Variants in HERC5 observed in about 807,000 individuals in gnomAD.
HERC5 encodes HECT and RLD domain containing E3 ubiquitin protein ligase 5.
Under a neutral mutation model 119.6 loss-of-function variants are expected in HERC5, and 99 were observed. The ratio of observed to expected loss-of-function variants is 0.83; its 90% CI spans 0.70 to 0.98. The LOEUF (loss-of-function observed/expected upper bound fraction) is 0.98, where lower values mean the gene tolerates loss of function less well. Among genes scored for constraint, HERC5 ranks in the 50% least tolerant of loss-of-function variants. HERC5 has a pLI of 0.00. For missense variants in HERC5, 1,267 were observed against 1,241.3 expected, an observed-to-expected ratio of 1.02 and a Z score of -0.31; for synonymous variants, 478 against 445.9, an observed-to-expected ratio of 1.07 and a Z score of -0.91.
At chr4:88,496,226 G>C (rs1486487832) in intron 18 of HERC5, among the ~76,000 whole-genome samples, 5 of 152,162 alleles carry the variant, frequency 3.3e-5, no homozygotes, top group Non-Finnish European at 5.9e-5. Flanking sequence ...CTCACATTTT[G>C]AGAACCAGTG....
At chr4:88,460,813 A>G (rs1740407800) in intron 3 of HERC5, among the ~76,000 whole-genome samples, 1 of 152,066 alleles carries the variant, frequency 6.6e-6, no homozygotes, top group African/African-American at 2.4e-5. Flanking sequence ...ACATGGGGAG[A>G]CTTCATCTTT....
intron 3 of HERC5, among the ~76,000 whole-genome samples, chr4:88,460,848 G>A (rs1740410597): frequency 6.6e-6 from 1 of 152,032 alleles, no homozygotes; most frequent in African/African-American, 2.4e-5. Flanking sequence ...AAATTAGCTG[G>A]GCATGGTGGC....
chr4:88,496,887 G>A (rs898582685), intron 18 of HERC5, among the ~76,000 whole-genome samples: 2 of 152,168 alleles, frequency 1.3e-5, no homozygotes, highest in South Asian at 2.1e-4. Flanking sequence ...ATATTTTGAA[G>A]CCTCATCCCC....
chr4:88,464,325 GATT>G (rs1418586872), intron 6 of HERC5, among the ~76,000 whole-genome samples: 2 of 151,734 alleles, frequency 1.3e-5, no homozygotes, highest in Admixed American at 6.6e-5. Flanking sequence ...AATCACAAAG[GATT>G]ATTCATTAAA....
At chr4:88,477,065 T>C (rs1168034892) in intron 12 of HERC5, among the ~76,000 whole-genome samples, 3 of 67,648 alleles carry the variant, frequency 4.4e-5, no homozygotes, top group East Asian at 8.2e-4. Flanking sequence ...TATTTATAGC[T>C]TTTTTTTTTT....
intron 14 of HERC5, among the ~76,000 whole-genome samples, chr4:88,486,757 C>T (rs1741478384): frequency 6.6e-6 from 1 of 152,184 alleles, no homozygotes; most frequent in Non-Finnish European, 1.5e-5. Flanking sequence ...ATATCATTCT[C>T]CGTTTATCAA....
chr4:88,468,237 A>T lies in HERC5; in HGVS notation c.1058-109A>T, dbSNP rs891311641. ...AAAATGTACTAAGTTTTGTCTATTA[A>T]GAAGAAAAGATGACTACGTTTAAGA... On this transcript the variant is annotated intron_variant, in intron 7 of 22. Transcript: ENST00000264350. 6.5e-6 allele frequency: 5 copies of T among 768,246 alleles called. No homozygotes were observed. The African/African-American group carries it at 8.8e-5, about 14-fold the overall frequency. 47.6% of individuals were successfully genotyped at this position (768,246 alleles called of 1,614,324 possible).
intron 2 of HERC5, 66 bp from the exon 3 acceptor site, chr4:88,460,029 A>C: frequency 1.2e-6 from 1 of 846,340 alleles, no homozygotes; most frequent in Non-Finnish European, 1.9e-6. Flanking sequence ...TACTATTAAT[A>C]GTTCTAAAAT....
At chr4:88,473,039 CAG>C (rs1740932380) in intron 11 of HERC5, 1 of 151,060 alleles carries the variant, frequency 6.6e-6, no homozygotes, top group African/African-American at 2.4e-5. Context: ...TTTCTTTTTG[CAG>C]GTGCTCCAAA....
Position 88,469,265 on chromosome 4 carries a change from A to T in HERC5, c.1238+5A>T, listed in dbSNP as rs778546106. The T allele has an allele frequency of 3.2e-6, 5 of 1,584,822 alleles. No homozygotes were observed. In the African/African-American group the frequency reaches 6.7e-5, roughly 21 times the overall value. On this transcript the variant is annotated splice_donor_5th_base_variant and intron_variant, in intron 9 of 22. Transcript: ENST00000264350. ...ACGGTGGCAGAGCACAAAAAGGTAC[A>T]CCCCACAGTCTGACTCTCTGCTTAT...
chr4:88,491,901 G>T (rs538905372), intron 16 of HERC5, among the ~76,000 whole-genome samples: 1 of 152,156 alleles, frequency 6.6e-6, no homozygotes, highest in African/African-American at 2.4e-5. Flanking sequence ...TCTTGGGAGG[G>T]ATTGGTGTCA....
In HERC5 at chr4:88,469,293, A is replaced by G. The variant is rs768940314; in HGVS notation, c.1238+33A>G. 2.4e-5 allele frequency: 33 copies of G among 1,389,010 alleles called. No individual in the cohort carries two copies. The Middle Eastern group carries it at 7.1e-4, about 30-fold the overall frequency. 86.0% of individuals were successfully genotyped at this position (1,389,010 alleles called of 1,614,324 possible). A position where few individuals can be genotyped will look rare whatever the true frequency, so the allele number is the denominator to read the frequency against. ...CCACAGTCTGACTCTCTGCTTATAT[A>G]TCACTCTCAAGTATCATTTCCCAAA... On this transcript the variant is annotated intron_variant, in intron 9 of 22. Transcript: ENST00000264350.
In HERC5 at chr4:88,472,453, C is replaced by A. The variant is rs770914155; in HGVS notation, c.1343C>A (p.Ala448Glu). 3.7e-6 allele frequency: 6 copies of A among 1,602,040 alleles called. No homozygotes were observed. Among genetic ancestry groups the A allele is most frequent in the South Asian group, 1.1e-5 (1 of 89,670 alleles). Residue 448 changes from alanine to glutamate, a missense_variant, in exon 11 of 23, where the codon GCA becomes GAA. Physicochemically the swap from Ala to Glu is moderately radical, Grantham distance 107. Coordinates refer to ENST00000264350, the MANE Select transcript of HERC5 (RefSeq NM_016323.4). ...MMPVYLDLNK[A>E]RNIFKELTQK... Reference sequence around the variant, plus strand: ...CCTGTTTATTTGGACTTAAATAAAGCAAGAAACATCTTCAAGGAGTTAACC... The same window carrying A: ...CCTGTTTATTTGGACTTAAATAAAGAAAGAAACATCTTCAAGGAGTTAACC...
intron 11 of HERC5, among the ~76,000 whole-genome samples, chr4:88,474,090 G>A (rs1013421830): frequency 6.6e-6 from 1 of 152,180 alleles, no homozygotes; most frequent in African/African-American, 2.4e-5. Flanking sequence ...ACTCGATGAA[G>A]AATAAAAGAG....
In HERC5 at chr4:88,500,972, A is replaced by G. The variant is rs1560615689; in HGVS notation, c.2569A>G (p.Asn857Asp). 1.2e-6 allele frequency: 2 copies of G among 1,609,990 alleles called. No individual in the cohort carries two copies. The highest frequency in any genetic ancestry group is 1.7e-5 in the Admixed American group (1 of 59,210). The part of the protein sequence containing the change: ...LIPNGSSITV[N>D]QTNKRDYVSK... The stretch of plus-strand genomic sequence containing the variant: ...TCCTAATGGAAGTAGCATAACTGTC[A>G]ACCAGACTAACAAGTAGGTACAAAA... Residue 857 changes from asparagine to aspartate, a missense_variant, in exon 20 of 23, where the codon AAC becomes GAC. Physicochemically the swap from Asn to Asp is conservative, Grantham distance 23. Around this residue, in one of 3 missense-constraint regions of HERC5, gnomAD observed 473 missense variants for 445.7 expected, o/e 1.06. Coordinates refer to ENST00000264350, the MANE Select transcript of HERC5 (RefSeq NM_016323.4).
chr4:88,503,760 G>A (rs148399592), intron 20 of HERC5, among the ~76,000 whole-genome samples: 2 of 152,162 alleles, frequency 1.3e-5, no homozygotes, highest in East Asian at 1.9e-4. Flanking sequence ...AGCATATGAT[G>A]GAGTTGTTAT....
chr4:88,457,617 C>A (rs1393152438), intron 1 of HERC5, 83 bp downstream of exon 1: 10 of 1,208,582 alleles, frequency 8.3e-6, no homozygotes, highest in Non-Finnish European at 1.0e-5. Flanking sequence ...GCCGGGGGTC[C>A]GCGCCTGAGG....
At chr4:88,479,093 C>T (rs900712046) in intron 12 of HERC5, among the ~76,000 whole-genome samples, 3 of 151,926 alleles carry the variant, frequency 2.0e-5, no homozygotes, top group African/African-American at 7.3e-5. Flanking sequence ...CAAGACCAGC[C>T]TGGCCAACAT....
chr4:88,495,828 A>G (rs1459074217), intron 18 of HERC5, among the ~76,000 whole-genome samples: 1 of 152,212 alleles, frequency 6.6e-6, no homozygotes, highest in East Asian at 1.9e-4. Flanking sequence ...GAAACATCGA[A>G]GATAACCTAA....
Sources: allele counts gnomAD v4.1 joint callset (sites outside exome capture counted in the v4.1 genomes callset), GRCh38; gene constraint gnomAD v4.1.1; regional missense constraint gnomAD v4.1.1; transcripts MANE v1.5; gene names NCBI Gene and HGNC (gene_info 2026-07-23, HGNC 2026-07-21).